ANKRD44: variants seen among roughly 807,000 people sequenced by gnomAD.
ANKRD44 encodes ankyrin repeat domain 44.
A neutral mutation model predicts 116.0 loss-of-function variants in ANKRD44; 35 were observed. That is an observed-to-expected ratio of 0.30 (90% confidence interval 0.23 to 0.40). The LOEUF is 0.40. ANKRD44 is among the 10% of genes least tolerant of loss of function. The probability of loss-of-function intolerance (pLI) is 1.00; values close to 1 mark genes in which losing one functional copy is unlikely to be tolerated. For synonymous variants in ANKRD44, 435 were observed against 461.8 expected (o/e 0.94, Z 0.74); for missense variants, 1,014 against 1,242.6 (o/e 0.82, Z 2.77).
At chr2:196,972,511 A>C (rs532835809) in intron 21 of ANKRD44, among the ~76,000 whole-genome samples, 2 of 152,316 alleles carry the variant, frequency 1.3e-5, no homozygotes, top group South Asian at 2.1e-4. Context: ...CAGGGCAATA[A>C]TTTTAAATTT....
intron 1 of ANKRD44, among the ~76,000 whole-genome samples, chr2:197,192,791 C>T (rs1218676212): frequency 6.6e-6 from 1 of 152,212 alleles, no homozygotes; most frequent in Non-Finnish European, 1.5e-5. Flanking sequence ...GAGAAGTTCA[C>T]TCCATCCCAG....
In ANKRD44 at chr2:197,123,080, T is replaced by A. The variant is rs552478080; in HGVS notation, c.551-288A>T. ...CACACTAATGAATAATGGTGAGGTT[T>A]TGCCAAGATATTAGTAGAGAGCCTT... On this transcript the variant is annotated intron_variant, in intron 6 of 27. Transcript: ENST00000282272. 2.6e-5 allele frequency among the ~76,000 whole-genome samples: 4 copies of A among 152,334 alleles called. No homozygotes were observed. In the East Asian group the frequency reaches 7.7e-4, roughly 29 times the overall value.
At chr2:197,238,901 C>T (rs368461127) in intron 1 of ANKRD44, among the ~76,000 whole-genome samples, 1 of 152,050 alleles carries the variant, frequency 6.6e-6, no homozygotes, top group Non-Finnish European at 1.5e-5. Flanking sequence ...GACGGGGTTT[C>T]GCCATGTTGG....
intron 10 of ANKRD44, among the ~76,000 whole-genome samples, chr2:197,093,983 A>G (rs1278182429): frequency 1.3e-5 from 2 of 152,238 alleles, no homozygotes; most frequent in Non-Finnish European, 2.9e-5. Context: ...TATATTAGCT[A>G]GTTCTAATTT....
At chr2:197,259,816 C>T (rs2082548406) in intron 1 of ANKRD44, among the ~76,000 whole-genome samples, 1 of 152,146 alleles carries the variant, frequency 6.6e-6, no homozygotes, top group Admixed American at 6.6e-5. Flanking sequence ...ATATAACCAC[C>T]TTTTGGTCAT....
intron 1 of ANKRD44, among the ~76,000 whole-genome samples, chr2:197,298,799 C>T (rs1182222135): frequency 2.0e-5 from 3 of 151,988 alleles, no homozygotes; most frequent in Non-Finnish European, 4.4e-5. Context: ...CACCTGTAGT[C>T]CCAGGTACTC....
intron 26 of ANKRD44, chr2:196,995,049 T>C (rs1207024196): frequency 1.1e-5 from 2 of 177,442 alleles, no homozygotes; most frequent in Non-Finnish European, 2.4e-5. Context: ...TAATACATAA[T>C]ACAAATAGTT....
chr2:197,065,677 C>T (rs187498167), intron 16 of ANKRD44, among the ~76,000 whole-genome samples: 401 of 152,238 alleles, frequency 2.6e-3, no homozygotes, highest in African/African-American at 8.8e-3. Flanking sequence ...AACACCTCTA[C>T]GCAAATAAAC....
chr2:196,991,074 C>A, intron 27 of ANKRD44: 1 of 699,404 alleles, frequency 1.4e-6, no homozygotes, highest in East Asian at 3.4e-5. Flanking sequence ...AGTTACTTCT[C>A]ACAAGTCATG....
At chr2:197,190,769 G>T (rs56156619) in intron 1 of ANKRD44, among the ~76,000 whole-genome samples, 3 of 152,166 alleles carry the variant, frequency 2.0e-5, no homozygotes, top group Non-Finnish European at 4.4e-5. Context: ...CATTAATTTG[G>T]CAACCATCAT....
chr2:197,087,627 C>G (rs1280719796), intron 12 of ANKRD44, among the ~76,000 whole-genome samples: 1 of 152,138 alleles, frequency 6.6e-6, no homozygotes, highest in Admixed American at 6.5e-5. Flanking sequence ...GCAGGGCTCT[C>G]CTCACCCCAC....
intron 4 of ANKRD44, 118 bp from the exon 5 acceptor site, chr2:197,126,155 G>T: frequency 1.1e-6 from 1 of 932,730 alleles, no homozygotes; most frequent in Non-Finnish European, 1.6e-6. Flanking sequence ...AACCCTACAG[G>T]CTGGCTCCAG....
intron 1 of ANKRD44, among the ~76,000 whole-genome samples, chr2:197,280,013 T>C (rs2083217745): frequency 6.6e-6 from 1 of 152,174 alleles, no homozygotes; most frequent in South Asian, 2.1e-4. Context: ...GTATTAATGG[T>C]TTATGAGACA....
chr2:197,237,470 G>A (rs535386552), intron 1 of ANKRD44, among the ~76,000 whole-genome samples: 1 of 152,288 alleles, frequency 6.6e-6, no homozygotes, highest in East Asian at 1.9e-4. Flanking sequence ...CCTTCTGTGG[G>A]ATTGGACTCT....
chr2:197,159,920 C>G (rs567609538), intron 2 of ANKRD44, among the ~76,000 whole-genome samples: 84 of 152,306 alleles, frequency 5.5e-4, no homozygotes, highest in African/African-American at 2.0e-3. Flanking sequence ...ATTAACTAAC[C>G]ATTAAGAATT....
intron 2 of ANKRD44, among the ~76,000 whole-genome samples, chr2:197,153,265 A>C: frequency 6.8e-6 from 1 of 146,556 alleles, no homozygotes; most frequent in African/African-American, 2.5e-5. Context: ...CAAGAAGAAG[A>C]GGAAGAAGAG....
At chr2:197,210,342 A>G (rs993968171) in intron 1 of ANKRD44, among the ~76,000 whole-genome samples, 1 of 152,198 alleles carries the variant, frequency 6.6e-6, no homozygotes, top group Non-Finnish European at 1.5e-5. Flanking sequence ...TTCACCCCTA[A>G]CAGTGAGTTA....
intron 6 of ANKRD44, among the ~76,000 whole-genome samples, chr2:197,123,424 T>C (rs2078903522): frequency 6.6e-6 from 1 of 152,116 alleles, no homozygotes; most frequent in South Asian, 2.1e-4. Context: ...TAATTCACTA[T>C]ATATAGAATA....
In ANKRD44 at chr2:197,128,830, T is replaced by C. The variant is rs184190469; in HGVS notation, c.262-2793A>G. Among the ~76,000 whole-genome samples, 229 of 152,306 alleles carry C rather than the reference T, an allele frequency of 1.5e-3. 1 individual carries two copies. The highest frequency in any genetic ancestry group is 5.3e-3 in the African/African-American group (219 of 41,580). ...GTTTCTTTAACAGTGTTTTTCAAACTGTCTGTGGTAAAGAACCAGTTTTCT... is the reference window on the plus strand; with the variant it reads ...GTTTCTTTAACAGTGTTTTTCAAACCGTCTGTGGTAAAGAACCAGTTTTCT... On this transcript the variant is annotated intron_variant, in intron 4 of 27. Transcript: ENST00000282272.
Sources: gnomAD v4.1 joint callset for allele counts (sites outside exome capture counted in the v4.1 genomes callset) on GRCh38, gnomAD v4.1.1 for gene constraint, MANE v1.5 for transcripts, NCBI Gene and HGNC (gene_info 2026-07-23, HGNC 2026-07-21) for gene names.